TBXAS1: variants seen among roughly 807,000 people sequenced by gnomAD.
The protein encoded by TBXAS1 is thromboxane A synthase 1.
Under a neutral mutation model 60.7 loss-of-function variants are expected in TBXAS1, and 48 were observed. The observed-to-expected ratio is 0.79, with a 90% CI of 0.63 to 1.01. The LOEUF is 1.01. Ranked by LOEUF, TBXAS1 falls within the 50% of genes least tolerant of loss-of-function variation. The pLI, the probability that TBXAS1 is intolerant of heterozygous loss-of-function variation, is 0.00. For synonymous variants in TBXAS1, 287 were observed against 269.7 expected (o/e 1.06, Z -0.63); for missense variants, 685 against 686.3 (o/e 1.00, Z 0.02).
At chr7:139,889,501 C>T (rs925158701) in intron 3 of TBXAS1, among the ~76,000 whole-genome samples, 3 of 152,186 alleles carry the variant, frequency 2.0e-5, no homozygotes, top group Middle Eastern at 3.4e-3. Flanking sequence ...TTTCTTAATC[C>T]GTTGGAGCTT....
At chr7:140,007,415 C>T (rs985057125) in intron 10 of TBXAS1, among the ~76,000 whole-genome samples, 5 of 152,226 alleles carry the variant, frequency 3.3e-5, no homozygotes, top group African/African-American at 9.7e-5. Context: ...CGCCTTCCTC[C>T]CCAGCCCAAG....
intron 1 of TBXAS1, among the ~76,000 whole-genome samples, chr7:139,859,662 G>A (rs1800831621): frequency 6.6e-6 from 1 of 152,150 alleles, no homozygotes; most frequent in Admixed American, 6.5e-5. Context: ...AAATTATAAA[G>A]GGGCTATACA....
intron 2 of TBXAS1, among the ~76,000 whole-genome samples, chr7:139,875,038 C>A (rs897648963): frequency 2.0e-5 from 3 of 152,108 alleles, no homozygotes; most frequent in Non-Finnish European, 4.4e-5. Flanking sequence ...GAGGTTGCAA[C>A]GAGCTGAGAT....
At position 139,962,176 on chromosome 7, in the gene TBXAS1, C is replaced by A. The variant is rs1810420992; in HGVS notation, c.1077C>A (p.Thr359=). 4 of 1,614,062 alleles carry A rather than the reference C, an allele frequency of 2.5e-6. No homozygotes were observed. Among genetic ancestry groups the A allele is most frequent in the African/African-American group, 1.3e-5 (1 of 74,916 alleles). The change falls in exon 9 of 13, where the codon ACC becomes ACA. Residue 359 remains threonine, a synonymous_variant. Transcript: ENST00000448866. ...CTTTTGCCACCTACCTACTGGCCAC[C>A]AACCCTGACTGCCAAGAGAAGCTTC... The part of the protein sequence containing the change: ...TLSFATYLLA[T]NPDCQEKLLR...
intron 1 of TBXAS1, among the ~76,000 whole-genome samples, chr7:139,832,462 G>A (rs933469033): frequency 2.0e-5 from 3 of 152,048 alleles, no homozygotes; most frequent in African/African-American, 7.2e-5. Flanking sequence ...CTGGGATTAT[G>A]TTAAATGACC....
intron 11 of TBXAS1, among the ~76,000 whole-genome samples, chr7:140,017,370 A>C (rs1181407354): frequency 6.6e-6 from 1 of 152,162 alleles, no homozygotes; most frequent in Non-Finnish European, 1.5e-5. Context: ...TTAGACTCTG[A>C]TTGTGGGTGG....
intron 4 of TBXAS1, among the ~76,000 whole-genome samples, chr7:139,800,752 TCC>T (rs1219840916): frequency 1.3e-5 from 2 of 152,212 alleles, no homozygotes; most frequent in African/African-American, 4.8e-5. Context: ...TAGAATATTC[TCC>T]CTTCTATCTG....
At chr7:139,961,771 G>A (rs923444219) in intron 8 of TBXAS1, 148 bp from the exon 9 acceptor site, 38 of 1,003,418 alleles carry the variant, frequency 3.8e-5, no homozygotes, top group East Asian at 1.6e-4. Flanking sequence ...GGTTCTCACC[G>A]TCCCAGATAA....
At chr7:139,960,527 C>A (rs1035568681) in intron 8 of TBXAS1, among the ~76,000 whole-genome samples, 1 of 152,034 alleles carries the variant, frequency 6.6e-6, no homozygotes, top group Non-Finnish European at 1.5e-5. Context: ...GGGCGGATCA[C>A]CTGAAGTCAG....
rs187356080 is a variant in TBXAS1, at chr7:139,966,149, A to G, written c.1134+3916A>G. Among the ~76,000 whole-genome samples the G allele has an allele frequency of 1.1e-4, 16 of 152,310 alleles. No individual in the cohort carries two copies. In the East Asian group the frequency reaches 3.1e-3, roughly 29 times the overall value. On this transcript the variant is annotated intron_variant, in intron 9 of 12. Coordinates refer to ENST00000448866, the MANE Select transcript of TBXAS1 (RefSeq NM_001061.7). ...TCTAGCTCTTCTGTGACATCCCTGT[A>G]GAGCATCCCCATGCCTCATTAGATG...
In TBXAS1 at chr7:139,992,989, G is replaced by A. The variant is rs141266920; in HGVS notation, c.1135-14102G>A. On this transcript the variant is annotated intron_variant, in intron 9 of 12. Transcript: ENST00000448866. ...AGTTTGAGACCAGCCTGGTTAACAC[G>A]GAAAAACCCCGTCTCTACTAAAAAT... is the stretch of plus-strand genomic sequence containing the variant. 3.4e-3 allele frequency among the ~76,000 whole-genome samples: 511 copies of A among 152,196 alleles called. 4 individuals carry two copies. Among genetic ancestry groups the A allele is most frequent in the African/African-American group, 0.012 (484 of 41,518 alleles).
At chr7:139,782,716 T>A (rs1797042702) in exon 3 of TBXAS1, 1 of 152,300 alleles carries the variant, frequency 6.6e-6, no homozygotes, top group Non-Finnish European at 1.5e-5. Context: ...CTCTGGAGGA[T>A]GTGCCTGAGG....
chr7:139,918,349 G>A (rs1343201371), intron 4 of TBXAS1, among the ~76,000 whole-genome samples: 4 of 152,270 alleles, frequency 2.6e-5, no homozygotes, highest in Middle Eastern at 3.4e-3. Context: ...AGGGAGCCAC[G>A]GAGTCCCACC....
intron 8 of TBXAS1, among the ~76,000 whole-genome samples, chr7:139,959,235 G>A (rs1450183065): frequency 1.3e-5 from 2 of 152,194 alleles, no homozygotes; most frequent in African/African-American, 4.8e-5. Context: ...ATCCAGGACA[G>A]CCATGTCAAG....
chr7:139,915,298 G>A (rs1274375742), intron 4 of TBXAS1, among the ~76,000 whole-genome samples: 1 of 152,158 alleles, frequency 6.6e-6, no homozygotes, highest in Admixed American at 6.5e-5. Context: ...AAGGAGATTA[G>A]TGAGACGTGA....
chr7:139,997,967 A>G (rs1476163878), intron 9 of TBXAS1, among the ~76,000 whole-genome samples: 1 of 152,224 alleles, frequency 6.6e-6, no homozygotes, highest in Non-Finnish European at 1.5e-5. Context: ...CAACCTGGGA[A>G]CAACTCAAAT....
chr7:139,928,406 G>A (rs1807056851), intron 4 of TBXAS1, among the ~76,000 whole-genome samples: 2 of 152,094 alleles, frequency 1.3e-5, no homozygotes, highest in South Asian at 2.1e-4. Context: ...CTATGTTCAC[G>A]AGTGACATTG....
intron 9 of TBXAS1, among the ~76,000 whole-genome samples, chr7:140,005,170 T>C (rs1362190498): frequency 6.6e-6 from 1 of 152,218 alleles, no homozygotes; most frequent in African/African-American, 2.4e-5. Context: ...GGCTCACGCC[T>C]GTAACTCCAG....
chr7:139,892,331 C>T (rs532620662), intron 3 of TBXAS1, among the ~76,000 whole-genome samples: 42 of 152,180 alleles, frequency 2.8e-4, no homozygotes, highest in African/African-American at 6.7e-4. Context: ...AGTGGCTCAC[C>T]GCTGTAATCC....
Sources: gnomAD v4.1 joint callset for allele counts (sites outside exome capture counted in the v4.1 genomes callset) on GRCh38, gnomAD v4.1.1 for gene constraint, MANE v1.5 for transcripts, NCBI Gene and HGNC (gene_info 2026-07-23, HGNC 2026-07-21) for gene names.